SPPL3: variants seen among roughly 807,000 people sequenced by gnomAD.
SPPL3 encodes the protein signal peptide peptidase like 3.
Under a neutral mutation model 42.4 loss-of-function variants are expected in SPPL3, and 5 were observed. That is an observed-to-expected ratio of 0.12 (90% CI 0.06 to 0.25). The LOEUF is 0.25. Among genes scored for constraint, SPPL3 ranks in the 10% least tolerant of loss-of-function variants. SPPL3 has a pLI of 1.00. For synonymous variants in SPPL3, 195 were observed against 181.8 expected, an observed-to-expected ratio of 1.07 and a Z score of -0.58; for missense variants, 235 against 489.0, an observed-to-expected ratio of 0.48 and a Z score of 4.90.
intron 3 of SPPL3, 82 bp downstream of exon 3, chr12:120,791,387 G>A: frequency 1.1e-6 from 1 of 926,578 alleles, no homozygotes; most frequent in South Asian, 1.6e-5. Flanking sequence ...CTTGAACCCA[G>A]TAAATTATTA....
At chr12:120,771,882 C>T (rs1339290209) in intron 6 of SPPL3, among the ~76,000 whole-genome samples, 1 of 152,248 alleles carries the variant, frequency 6.6e-6, no homozygotes, top group Non-Finnish European at 1.5e-5. Context: ...GCTCTCCACA[C>T]ATACTGTGTT....
intron 1 of SPPL3, among the ~76,000 whole-genome samples, chr12:120,838,012 G>A (rs1410832273): frequency 3.3e-5 from 5 of 152,066 alleles, no homozygotes; most frequent in Non-Finnish European, 1.5e-5. Flanking sequence ...CAGCCTAGGC[G>A]ACTGAGCAAG....
intron 1 of SPPL3, among the ~76,000 whole-genome samples, chr12:120,874,484 AAGTG>A (rs2137052007): frequency 6.6e-6 from 1 of 151,968 alleles, no homozygotes; most frequent in African/African-American, 2.4e-5. Context: ...TAAAAGAAAT[AAGTG>A]AGTAAATGTA....
intron 1 of SPPL3, among the ~76,000 whole-genome samples, chr12:120,857,620 T>C (rs897932348): frequency 7.2e-5 from 11 of 152,204 alleles, no homozygotes; most frequent in African/African-American, 1.7e-4. Flanking sequence ...GTGGTACATA[T>C]ACACTACTAT....
At chr12:120,875,217 A>G (rs1180841956) in intron 1 of SPPL3, among the ~76,000 whole-genome samples, 1 of 152,224 alleles carries the variant, frequency 6.6e-6, no homozygotes, top group Non-Finnish European at 1.5e-5. Flanking sequence ...TTAAGGCACT[A>G]ATTACTGGTG....
At chr12:120,852,753 A>G (rs1184572561) in intron 1 of SPPL3, among the ~76,000 whole-genome samples, 2 of 69,834 alleles carry the variant, frequency 2.9e-5, no homozygotes, top group African/African-American at 1.0e-4. Flanking sequence ...TATTTCATAT[A>G]TTATATCTAT....
In SPPL3 at chr12:120,853,323, C is replaced by T. The variant is rs75724847; in HGVS notation, c.24-42437G>A. On this transcript the variant is annotated intron_variant, in intron 1 of 10. Transcript: ENST00000353487. ...TCTACAGAACTATATTATATTACAT[C>T]TACAAGCAGAGAATTCCTGTTAGAC... is the stretch of plus-strand genomic sequence containing the variant. 1.3e-3 allele frequency among the ~76,000 whole-genome samples: 204 copies of T among 152,276 alleles called. 4 individuals are homozygous for T. In the East Asian group the frequency reaches 0.035, roughly 26 times the overall value.
chr12:120,840,597 C>T (rs1436300159), intron 1 of SPPL3, among the ~76,000 whole-genome samples: 3 of 151,896 alleles, frequency 2.0e-5, no homozygotes, highest in Non-Finnish European at 4.4e-5. Flanking sequence ...TTTGGGAGCC[C>T]GAGGCAGGTA....
At chr12:120,857,178 G>GA (rs1872488757) in intron 1 of SPPL3, among the ~76,000 whole-genome samples, 1 of 152,192 alleles carries the variant, frequency 6.6e-6, no homozygotes, top group Non-Finnish European at 1.5e-5. Context: ...AAAGTCAAAA[G>GA]AGGGAGCTCT....
intron 1 of SPPL3, among the ~76,000 whole-genome samples, chr12:120,889,122 A>G (rs1024302700): frequency 1.3e-5 from 2 of 152,168 alleles, no homozygotes; most frequent in South Asian, 2.1e-4. Context: ...CCCGTGAATT[A>G]TATCTTTCAA....
intron 1 of SPPL3, among the ~76,000 whole-genome samples, chr12:120,856,283 AG>A (rs1051918974): frequency 6.6e-6 from 1 of 151,678 alleles, no homozygotes; most frequent in African/African-American, 2.4e-5. Context: ...TTAATCTGAA[AG>A]AAAAAAAAAA....
At position 120,852,760 on chromosome 12, in the gene SPPL3, CTATGTATATT is replaced by C. The variant is rs1566060898; in HGVS notation, c.24-41884_24-41875del. 4.6e-3 allele frequency among the ~76,000 whole-genome samples: 233 copies of C among 51,102 alleles called. 31 individuals are homozygous for C. Among genetic ancestry groups the C allele is most frequent in the Middle Eastern group, 0.026 (2 of 76 alleles). The allele number at this position is 51,102 out of a possible 152,430, so 33.5% of individuals were successfully genotyped here. A position where few individuals can be genotyped will look rare whatever the true frequency, so the allele number is the denominator to read the frequency against. On this transcript the variant is annotated intron_variant, in intron 1 of 10. Coordinates refer to ENST00000353487, the MANE Select transcript of SPPL3 (RefSeq NM_139015.5). ...ATATAATATATTTCATATATTATAT[CTATGTATATT>C]ATATATAAAATATATTTCATATATC...
intron 2 of SPPL3, among the ~76,000 whole-genome samples, chr12:120,796,231 C>T (rs558904713): frequency 5.9e-5 from 9 of 152,154 alleles, no homozygotes; most frequent in African/African-American, 2.2e-4. Flanking sequence ...CAAAAATTAG[C>T]CAGGCATGGT....
At chr12:120,800,959 T>C (rs1054975835) in intron 2 of SPPL3, among the ~76,000 whole-genome samples, 1 of 152,256 alleles carries the variant, frequency 6.6e-6, no homozygotes, top group Non-Finnish European at 1.5e-5. Flanking sequence ...TTCCAGCTTA[T>C]GCCTGCTGCC....
chr12:120,850,128 G>A (rs963135254), intron 1 of SPPL3, among the ~76,000 whole-genome samples: 8 of 152,126 alleles, frequency 5.3e-5, no homozygotes, highest in African/African-American at 1.9e-4. Flanking sequence ...TGTTGGACCA[G>A]CTAGATTTAG....
intron 2 of SPPL3, among the ~76,000 whole-genome samples, chr12:120,808,029 T>G (rs1245727167): frequency 6.6e-6 from 1 of 152,048 alleles, no homozygotes; most frequent in African/African-American, 2.4e-5. Context: ...GGTTGCATAA[T>G]CTTTGTCAAG....
intron 1 of SPPL3, among the ~76,000 whole-genome samples, chr12:120,848,106 C>T (rs976808068): frequency 1.3e-5 from 2 of 152,208 alleles, no homozygotes; most frequent in Admixed American, 1.3e-4. Flanking sequence ...TTCTGACCTG[C>T]ACTACTTACC....
At chr12:120,798,883 C>T (rs148643203) in intron 2 of SPPL3, among the ~76,000 whole-genome samples, 19 of 152,196 alleles carry the variant, frequency 1.2e-4, no homozygotes, top group African/African-American at 4.6e-4. Context: ...TTGGTTTAAC[C>T]CTAGGCACAG....
intron 1 of SPPL3, among the ~76,000 whole-genome samples, chr12:120,850,130 T>C (rs715319): frequency 0.19 from 29,517 of 152,054 alleles, 4,520 homozygotes; most frequent in African/African-American, 0.41. Context: ...TTGGACCAGC[T>C]AGATTTAGAA....
Sources: allele counts gnomAD v4.1 joint callset (sites outside exome capture counted in the v4.1 genomes callset), GRCh38; gene constraint gnomAD v4.1.1; transcripts MANE v1.5; gene names NCBI Gene and HGNC (gene_info 2026-07-23, HGNC 2026-07-21).